Variants in SLC8A3 observed in about 807,000 individuals in gnomAD.
SLC8A3 encodes sodium/calcium exchanger 3.
Under a neutral mutation model 65.4 loss-of-function variants are expected in SLC8A3, and 37 were observed. That is an observed-to-expected ratio of 0.57 (90% CI 0.44 to 0.74). SLC8A3 has a LOEUF of 0.74. SLC8A3 is among the 30% of genes least tolerant of loss of function. The probability of loss-of-function intolerance (pLI) is 0.00; values close to 1 mark genes in which losing one functional copy is unlikely to be tolerated. For synonymous variants in SLC8A3, 461 were observed against 444.5 expected, an observed-to-expected ratio of 1.04 and a Z score of -0.47; for missense variants, 1,112 against 1,172.1, an observed-to-expected ratio of 0.95 and a Z score of 0.75.
chr14:70,080,026 C>T (rs1389768811), intron 2 of SLC8A3: 16 of 885,498 alleles, frequency 1.8e-5, no homozygotes, highest in Non-Finnish European at 2.0e-5. Context: ...ATTGGGTTGT[C>T]GTGCGGGTGA....
intron 2 of SLC8A3, among the ~76,000 whole-genome samples, chr14:70,094,201 T>C (rs1040635332): frequency 6.6e-6 from 1 of 152,216 alleles, no homozygotes; most frequent in Non-Finnish European, 1.5e-5. Context: ...GGTAGAAAGA[T>C]GGAGGCTTTG....
intron 2 of SLC8A3, among the ~76,000 whole-genome samples, chr14:70,136,584 G>A (rs1473769099): frequency 6.6e-6 from 1 of 152,084 alleles, no homozygotes; most frequent in African/African-American, 2.4e-5. Flanking sequence ...TGTTCTTCCA[G>A]CCCTTCATGT....
intron 2 of SLC8A3, chr14:70,063,946 AAGTATCATAAGCAAGG>A: frequency 7.2e-7 from 1 of 1,397,318 alleles, no homozygotes; most frequent in South Asian, 1.2e-5. Flanking sequence ...ATGGAAAAAT[AAGTATCATAAGCAAGG>A]AGTAGAGTGT....
intron 2 of SLC8A3, among the ~76,000 whole-genome samples, chr14:70,165,761 C>T (rs1292437904): frequency 1.3e-5 from 2 of 150,612 alleles, no homozygotes; most frequent in Non-Finnish European, 2.9e-5. Context: ...AAGTGTAATA[C>T]CCACAGTTTC....
chr14:70,125,098 C>T (rs1395901060), intron 2 of SLC8A3, among the ~76,000 whole-genome samples: 1 of 152,140 alleles, frequency 6.6e-6, no homozygotes, highest in Non-Finnish European at 1.5e-5. Flanking sequence ...TTTCTAAACT[C>T]ATTTTGAGTT....
chr14:70,175,961 C>T (rs1283205042), intron 1 of SLC8A3, among the ~76,000 whole-genome samples: 5 of 152,144 alleles, frequency 3.3e-5, no homozygotes, highest in Admixed American at 6.5e-5. Flanking sequence ...TCTCGAACTC[C>T]TGACCTCAAG....
rs915208446 is a variant in SLC8A3, at chr14:70,069,340, C to G, written c.1785-8401G>C. Among the ~76,000 whole-genome samples, 4 of 152,180 alleles carry G rather than the reference C, an allele frequency of 2.6e-5. No homozygotes were observed. The East Asian group carries it at 7.7e-4, about 29-fold the overall frequency. ...CCATGCCAGAAATAATCTCTGAGTACAGGCTGGGCTTCTGACTCTGTGACC... is the reference window on the plus strand; with the variant it reads ...CCATGCCAGAAATAATCTCTGAGTAGAGGCTGGGCTTCTGACTCTGTGACC... On this transcript the variant is annotated intron_variant, in intron 2 of 6. Transcript: ENST00000356921.
chr14:70,174,322 C>T (rs1321548023), intron 1 of SLC8A3, among the ~76,000 whole-genome samples: 1 of 152,198 alleles, frequency 6.6e-6, no homozygotes, highest in African/African-American at 2.4e-5. Flanking sequence ...TCCAGCCTCG[C>T]CTCAATGAGG....
intron 2 of SLC8A3, among the ~76,000 whole-genome samples, chr14:70,074,951 G>A (rs1255607849): frequency 6.6e-6 from 1 of 152,142 alleles, no homozygotes; most frequent in Non-Finnish European, 1.5e-5. Flanking sequence ...ATGACAGTAG[G>A]AAGAGTCGAG....
At chr14:70,098,289 CTTTT>C (rs1019505490) in intron 2 of SLC8A3, among the ~76,000 whole-genome samples, 6 of 59,090 alleles carry the variant, frequency 1.0e-4, no homozygotes, top group African/African-American at 3.9e-4. Flanking sequence ...GGTTTTCCTT[CTTTT>C]TCTCACTTTT....
At chr14:70,084,693 A>G (rs563565644) in intron 2 of SLC8A3, among the ~76,000 whole-genome samples, 4 of 152,354 alleles carry the variant, frequency 2.6e-5, no homozygotes, top group African/African-American at 9.6e-5. Context: ...GAATTGCTAT[A>G]TGCCTAATGG....
chr14:70,119,749 A>G (rs370741258), intron 2 of SLC8A3, among the ~76,000 whole-genome samples: 10 of 152,316 alleles, frequency 6.6e-5, no homozygotes, highest in African/African-American at 1.9e-4. Flanking sequence ...TTTTTCATCT[A>G]TACGTTAAAG....
rs1353477773 is a variant in SLC8A3, at chr14:70,168,127, A to G, written c.296T>C (p.Met99Thr). The G allele has an allele frequency of 1.2e-6, 2 of 1,614,136 alleles. No homozygotes were observed. The highest frequency in any genetic ancestry group is 2.2e-5 in the South Asian group (2 of 91,066). ...AGAGGTGATGACTTCAATAGATGCC[A>G]TGAAGCGGTCAGCAATGATGGACAC... The part of the protein sequence containing the change: ...LGVSIIADRF[M>T]ASIEVITSQE... The change falls in exon 2 of 7, where the codon ATG (methionine) becomes ACG (threonine). Residue 99 changes from methionine to threonine, a missense_variant. Physicochemically the swap from Met to Thr is moderately conservative, Grantham distance 81. Transcript: ENST00000356921.
rs760038494 is a variant in SLC8A3, at chr14:70,048,933, G to A, written c.2223C>T (p.Pro741=). Residue 741 remains proline (P), a synonymous_variant, in exon 6 of 7, where the codon CCC becomes CCT. Transcript: ENST00000356921. Reference sequence around the variant, plus strand: ...CCCAGCCGTGGCAGTACTCTGTGGGGGGCACACAGGCAAACAGCACCTTCC... The same window carrying A: ...CCCAGCCGTGGCAGTACTCTGTGGGAGGCACACAGGCAAACAGCACCTTCC... The part of the protein sequence containing the change: ...VFWKVLFACV[P]PTEYCHGWAC... The A allele has an allele frequency of 7.4e-6, 12 of 1,614,234 alleles. No individual in the cohort carries two copies. Among genetic ancestry groups the A allele is most frequent in the Non-Finnish European group, 1.0e-5 (12 of 1,180,048 alleles).
chr14:70,123,587 T>TTACA (rs1894231768), intron 2 of SLC8A3, among the ~76,000 whole-genome samples: 2 of 151,834 alleles, frequency 1.3e-5, no homozygotes, highest in African/African-American at 4.8e-5. Flanking sequence ...GTAGCTAGGA[T>TTACA]TACAGGCACC....
At chr14:70,056,615 T>A (rs1888145084) in intron 3 of SLC8A3, among the ~76,000 whole-genome samples, 1 of 152,220 alleles carries the variant, frequency 6.6e-6, no homozygotes. Flanking sequence ...AGTTTGGCTG[T>A]TTGCTGTCTA....
In SLC8A3 at chr14:70,110,898, T is replaced by G. The variant is rs368164119; in HGVS notation, c.1785-49959A>C. Among the ~76,000 whole-genome samples, 92 of 152,176 alleles carry G rather than the reference T, an allele frequency of 6.0e-4. No homozygotes were observed. In the South Asian group the frequency reaches 0.019, roughly 31 times the overall value. ...GGTTTTACCGTGTTAGCCAAGATGG[T>G]CTCGATCTCCTGACCTCATGATCTG... On this transcript the variant is annotated intron_variant, in intron 2 of 6. Coordinates refer to ENST00000356921, the MANE Select transcript of SLC8A3 (RefSeq NM_182932.3).
In SLC8A3 at chr14:70,046,367, G is replaced by T; in HGVS notation, c.2390-44C>A. 1.3e-6 allele frequency: 2 copies of T among 1,553,618 alleles called. No homozygotes were observed. Among genetic ancestry groups the T allele is most frequent in the South Asian group, 1.2e-5 (1 of 81,378 alleles). On this transcript the variant is annotated intron_variant, in intron 6 of 6. Coordinates refer to ENST00000356921, the MANE Select transcript of SLC8A3 (RefSeq NM_182932.3). The surrounding 1 kb of genome is among the most constrained non-coding windows in gnomAD (Gnocchi z 4.2). ...ACATGGGAACTGGTAGGAGGCTAAG[G>T]TGTGCAGGGCTTGTCTTCCAGTATG...
chr14:70,157,755 T>C (rs1896660028), intron 2 of SLC8A3, among the ~76,000 whole-genome samples: 1 of 152,188 alleles, frequency 6.6e-6, no homozygotes, highest in Non-Finnish European at 1.5e-5. Context: ...TCCTTACAAT[T>C]AAACCCTCTC....
Sources: allele counts gnomAD v4.1 joint callset (sites outside exome capture counted in the v4.1 genomes callset), GRCh38; gene constraint gnomAD v4.1.1; non-coding constraint Gnocchi (gnomAD v3.1); transcripts MANE v1.5; gene names NCBI Gene and HGNC (gene_info 2026-07-23, HGNC 2026-07-21).